The following FAM163A variants were observed in gnomAD, a reference collection of about 807,000 sequenced individuals.
FAM163A encodes family with sequence similarity 163 member A.
A neutral mutation model predicts 12.0 loss-of-function variants in FAM163A; 7 were observed. That is an observed-to-expected ratio of 0.58 (90% CI 0.33 to 1.10). The LOEUF is 1.10. Ranked by LOEUF, FAM163A falls within the 50% of genes least tolerant of loss-of-function variation. The pLI, the probability that FAM163A is intolerant of heterozygous loss-of-function variation, is 0.03. For synonymous variants in FAM163A, 101 were observed against 91.0 expected, an observed-to-expected ratio of 1.11 and a Z score of -0.62; for missense variants, 202 against 218.6, an observed-to-expected ratio of 0.92 and a Z score of 0.48.
At chr1:179,770,628 C>T (rs1395949812) in intron 1 of FAM163A, among the ~76,000 whole-genome samples, 1 of 152,152 alleles carries the variant, frequency 6.6e-6, no homozygotes, top group Non-Finnish European at 1.5e-5. Context: ...TGCTCTTTCT[C>T]ATTTCCAGGC....
At chr1:179,796,037 A>G (rs530105781) in intron 1 of FAM163A, among the ~76,000 whole-genome samples, 3 of 147,136 alleles carry the variant, frequency 2.0e-5, no homozygotes, top group Non-Finnish European at 4.5e-5. Flanking sequence ...TCTATTCATC[A>G]TCTTATTCTG....
At chr1:179,779,552 C>T (rs1401432309) in intron 1 of FAM163A, among the ~76,000 whole-genome samples, 1 of 152,200 alleles carries the variant, frequency 6.6e-6, no homozygotes. Context: ...AGAGCTCAGG[C>T]AGTGACAAGA....
In FAM163A at chr1:179,814,452, C is replaced by T. The variant is rs1472837667; in HGVS notation, c.*263C>T. 2 of 479,438 alleles carry T rather than the reference C, an allele frequency of 4.2e-6. No individual in the cohort carries two copies. The highest frequency in any genetic ancestry group is 7.3e-6 in the Non-Finnish European group (2 of 272,272). 29.7% of individuals were successfully genotyped at this position (479,438 alleles called of 1,614,324 possible). On this transcript the variant is annotated 3_prime_UTR_variant, in exon 5 of 5. Transcript: ENST00000341785. ...CGCCAGTTTCTTGGTTGGGACACTC[C>T]TCTGGCAGCCCCAGCACCACCACAA...
At chr1:179,789,642 G>C (rs1691158678) in intron 1 of FAM163A, among the ~76,000 whole-genome samples, 1 of 152,310 alleles carries the variant, frequency 6.6e-6, no homozygotes, top group South Asian at 2.1e-4. Context: ...TCCTGGGCAT[G>C]AGCTGCAGTG....
chr1:179,811,602 G>A (rs1470189619), intron 2 of FAM163A, among the ~76,000 whole-genome samples: 3 of 152,206 alleles, frequency 2.0e-5, no homozygotes, highest in Non-Finnish European at 4.4e-5. Context: ...TGGATTTGGA[G>A]CCACACTGCC....
chr1:179,753,063 C>T (rs1057048636), intron 1 of FAM163A, among the ~76,000 whole-genome samples: 15 of 152,142 alleles, frequency 9.9e-5, no homozygotes, highest in African/African-American at 3.6e-4. Context: ...TATGTATACA[C>T]CACATTTTTA....
intron 1 of FAM163A, among the ~76,000 whole-genome samples, chr1:179,793,167 C>T (rs1691771253): frequency 1.3e-5 from 2 of 152,148 alleles, no homozygotes; most frequent in South Asian, 4.1e-4. Context: ...TAGGCAGGCT[C>T]AACATCCCCA....
At chr1:179,740,108 G>A (rs1415799824), upstream of FAM163A, among the ~76,000 whole-genome samples, 1 of 152,212 alleles carries the variant, frequency 6.6e-6, no homozygotes, top group Non-Finnish European at 1.5e-5. Flanking sequence ...TTATCCCAGA[G>A]ATATGAAAAT....
chr1:179,738,925 A>G (rs1683306801), upstream of FAM163A, among the ~76,000 whole-genome samples: 1 of 152,242 alleles, frequency 6.6e-6, no homozygotes, highest in Non-Finnish European at 1.5e-5. Flanking sequence ...GATTTATTAT[A>G]TAGCTTCAGT....
Position 179,791,370 on chromosome 1 carries a change from G to A in FAM163A, c.-135-16428G>A, listed in dbSNP as rs147225795. On this transcript the variant is annotated intron_variant, in intron 1 of 4. Coordinates refer to ENST00000341785, the MANE Select transcript of FAM163A (RefSeq NM_173509.3). ...TCCAAACAACCCAAAGCTGCTTCCC[G>A]GGCCCATGCAGGCCTCTTCCCCCTG... 1.2e-4 allele frequency among the ~76,000 whole-genome samples: 18 copies of A among 152,208 alleles called. 1 individual carries two copies. In the East Asian group the frequency reaches 3.1e-3, roughly 26 times the overall value.
intron 1 of FAM163A, among the ~76,000 whole-genome samples, chr1:179,764,694 G>A (rs1687253521): frequency 1.3e-5 from 2 of 152,152 alleles, no homozygotes. Flanking sequence ...TGTTGGGGGA[G>A]AGCATTTCTG....
intron 2 of FAM163A, among the ~76,000 whole-genome samples, chr1:179,809,677 A>T (rs879644642): frequency 2.0e-5 from 3 of 152,114 alleles, no homozygotes; most frequent in Non-Finnish European, 4.4e-5. Flanking sequence ...TGTCTCCTAA[A>T]ATAGGCTTGG....
intron 1 of FAM163A, among the ~76,000 whole-genome samples, chr1:179,751,311 A>G (rs541434348): frequency 3.3e-5 from 5 of 152,256 alleles, no homozygotes; most frequent in African/African-American, 1.2e-4. Context: ...GGAGACAGAG[A>G]AGGATGAACC....
At chr1:179,769,886 T>G (rs138487859) in intron 1 of FAM163A, among the ~76,000 whole-genome samples, 144 of 151,868 alleles carry the variant, frequency 9.5e-4, no homozygotes, top group African/African-American at 3.3e-3. Flanking sequence ...TCATTTACTC[T>G]TTCATCCCTA....
At chr1:179,812,497 G>A (rs1238846377) in intron 3 of FAM163A, among the ~76,000 whole-genome samples, 2 of 152,202 alleles carry the variant, frequency 1.3e-5, no homozygotes, top group African/African-American at 4.8e-5. Context: ...TTTTCGAGAT[G>A]TGGCCCTTTC....
chr1:179,794,785 C>T (rs571209910), intron 1 of FAM163A, among the ~76,000 whole-genome samples: 20 of 152,132 alleles, frequency 1.3e-4, no homozygotes, highest in Non-Finnish European at 2.8e-4. Flanking sequence ...ACAGATATTA[C>T]ATGGGAGTGA....
intron 1 of FAM163A, among the ~76,000 whole-genome samples, chr1:179,788,323 T>C (rs1280555034): frequency 6.6e-6 from 1 of 152,200 alleles, no homozygotes; most frequent in African/African-American, 2.4e-5. Context: ...TTCTCTTGTT[T>C]GAAATAAAAC....
intron 1 of FAM163A, among the ~76,000 whole-genome samples, chr1:179,802,375 T>C (rs190239130): frequency 6.6e-6 from 1 of 152,332 alleles, no homozygotes; most frequent in East Asian, 1.9e-4. Context: ...GCTTTCTCCT[T>C]GTTGCTGTGT....
At chr1:179,742,906 C>CA (rs1683833987), upstream of FAM163A, among the ~76,000 whole-genome samples, 1 of 152,194 alleles carries the variant, frequency 6.6e-6, no homozygotes, top group South Asian at 2.1e-4. Context: ...AATAGGAACA[C>CA]AGAGGAGCCC....
Sources: gnomAD v4.1 joint callset for allele counts (sites outside exome capture counted in the v4.1 genomes callset) on GRCh38, gnomAD v4.1.1 for gene constraint, MANE v1.5 for transcripts, NCBI Gene and HGNC (gene_info 2026-07-23, HGNC 2026-07-21) for gene names.